ZNF469: variants seen among roughly 807,000 people sequenced by gnomAD.
ZNF469 encodes zinc finger protein 469.
In ZNF469, 1 loss-of-function variant was observed where a neutral mutation model predicts 1.0. The observed-to-expected ratio is 1.00, with a 90% CI of 0.35 to 4.73. The LOEUF (loss-of-function observed/expected upper bound fraction) is 4.73, where lower values mean the gene tolerates loss of function less well. ZNF469 is among the 30% of genes most tolerant of loss of function. The pLI, the probability that ZNF469 is intolerant of heterozygous loss-of-function variation, is 0.16. For missense variants in ZNF469, 6,100 were observed against 5,356.3 expected (o/e 1.14, Z -4.33); for synonymous variants, 2,703 against 2,363.4 (o/e 1.14, Z -4.17).
At chr16:88,277,372 T>G in the ZNF469 span, among the ~76,000 whole-genome samples, 1 of 150,350 alleles carries the variant, frequency 6.7e-6, no homozygotes, top group Admixed American at 6.6e-5. Context: ...TAGATATCAT[T>G]AGTGCTGTGC....
At chr16:88,208,906 G>T in the ZNF469 span, among the ~76,000 whole-genome samples, 5 of 150,888 alleles carry the variant, frequency 3.3e-5, no homozygotes, top group East Asian at 7.9e-4. Flanking sequence ...TCCTTCCCCA[G>T]CAGGGCCAGG....
the ZNF469 span, among the ~76,000 whole-genome samples, chr16:88,377,817 C>T: frequency 6.6e-6 from 1 of 152,194 alleles, no homozygotes; most frequent in Admixed American, 6.5e-5. Flanking sequence ...AGGTGCTGTG[C>T]TCTGTAGATG....
chr16:88,289,069 G>T, the ZNF469 span, among the ~76,000 whole-genome samples: 1 of 151,578 alleles, frequency 6.6e-6, no homozygotes, highest in South Asian at 2.1e-4. Context: ...GGTGATGAGG[G>T]TGATGATGAT....
At chr16:88,117,646 C>T in the ZNF469 span, among the ~76,000 whole-genome samples, 1 of 132,610 alleles carries the variant, frequency 7.5e-6, no homozygotes, top group African/African-American at 2.9e-5. Flanking sequence ...TGGGAAAGTG[C>T]CACGTGTCTT....
At chr16:88,416,839 G>A (rs138044164) in intron 1 of ZNF469, among the ~76,000 whole-genome samples, 7 of 152,280 alleles carry the variant, frequency 4.6e-5, no homozygotes, top group Admixed American at 1.3e-4. Context: ...TGGCACGCTC[G>A]CTCCCCGGGA....
chr16:88,280,174 A>T, the ZNF469 span, among the ~76,000 whole-genome samples: 2 of 146,666 alleles, frequency 1.4e-5, no homozygotes, highest in Non-Finnish European at 3.0e-5. Context: ...TTAGTGCTGC[A>T]CCACGCTGAC....
At chr16:88,288,066 T>C in the ZNF469 span, among the ~76,000 whole-genome samples, 1 of 152,290 alleles carries the variant, frequency 6.6e-6, no homozygotes, top group African/African-American at 2.4e-5. Flanking sequence ...CATTTCATCT[T>C]TGTGGAGAAA....
the ZNF469 span, among the ~76,000 whole-genome samples, chr16:88,282,472 C>A: frequency 6.6e-6 from 1 of 152,082 alleles, no homozygotes; most frequent in Non-Finnish European, 1.5e-5. Flanking sequence ...TGCCCTGGGC[C>A]CTGGCCTTTT....
At chr16:88,165,818 C>T in the ZNF469 span, among the ~76,000 whole-genome samples, 8 of 152,300 alleles carry the variant, frequency 5.3e-5, no homozygotes, top group East Asian at 7.7e-4. Context: ...GCCTCCTTTC[C>T]GTCTCTGAGT....
chr16:88,289,271 T>C, the ZNF469 span, among the ~76,000 whole-genome samples: 1 of 51,266 alleles, frequency 2.0e-5, no homozygotes, highest in Non-Finnish European at 3.4e-5. Context: ...ATGGTGATGA[T>C]GGTGAGGGTG....
intron 1 of ZNF469, among the ~76,000 whole-genome samples, chr16:88,422,354 T>TG (rs1183868420): frequency 4.6e-5 from 5 of 109,066 alleles, no homozygotes; most frequent in Admixed American, 3.3e-4. Context: ...GGCAGGTGGA[T>TG]GGGGGGATGA....
chr16:88,263,270 G>A, the ZNF469 span, among the ~76,000 whole-genome samples: 3 of 152,206 alleles, frequency 2.0e-5, no homozygotes, highest in Non-Finnish European at 2.9e-5. Flanking sequence ...GGTAGAAAAC[G>A]AACTAGGGGA....
the ZNF469 span, among the ~76,000 whole-genome samples, chr16:88,116,919 C>G: frequency 6.6e-6 from 1 of 151,678 alleles, no homozygotes; most frequent in Non-Finnish European, 1.5e-5. Flanking sequence ...CGAATCTACA[C>G]GTGTGATAAA....
At position 88,437,406 on chromosome 16, in the gene ZNF469, C is replaced by T. The variant is rs1353403837; in HGVS notation, c.9936C>T (p.Ser3312=). ...CCCCCAGGACGACCCCCAGCCCGTC[C>T]CCCGACCCCTGGGCCGGCGGGGAGC... ...PGPPRTTPSP[S]PDPWAGGEPL... is the part of the protein sequence containing the mutation. The change falls in exon 3 of 3, where the codon TCC becomes TCT. Residue 3312 remains serine, a synonymous_variant. Transcript: ENST00000565624. The T allele has an allele frequency of 6.5e-7, 1 of 1,527,214 alleles. No homozygotes were observed. The highest frequency in any genetic ancestry group is 2.5e-5 in the East Asian group (1 of 39,798). The allele number at this position is 1,527,214 out of a possible 1,614,324, so 94.6% of individuals were successfully genotyped here.
At chr16:88,228,030 T>C in the ZNF469 span, among the ~76,000 whole-genome samples, 1 of 152,274 alleles carries the variant, frequency 6.6e-6, no homozygotes, top group South Asian at 2.1e-4. Flanking sequence ...TGTCTTCATG[T>C]GGCTCCTCCT....
At chr16:88,411,807 GCCCC>G (rs1737710617) in intron 1 of ZNF469, among the ~76,000 whole-genome samples, 4 of 152,080 alleles carry the variant, frequency 2.6e-5, no homozygotes, top group Admixed American at 2.6e-4. Context: ...AGTGTGTGAG[GCCCC>G]CACCTGGTTT....
chr16:88,354,355 C>A, the ZNF469 span, among the ~76,000 whole-genome samples: 1 of 152,174 alleles, frequency 6.6e-6, no homozygotes, highest in Non-Finnish European at 1.5e-5. Context: ...GCCAGGTCCT[C>A]GGCTCCCTGG....
chr16:88,197,215 G>A, the ZNF469 span, among the ~76,000 whole-genome samples: 60 of 152,162 alleles, frequency 3.9e-4, no homozygotes, highest in Non-Finnish European at 7.2e-4. Flanking sequence ...TTTGGCCTCC[G>A]AGTGGAGCAA....
the ZNF469 span, among the ~76,000 whole-genome samples, chr16:88,241,649 A>G: frequency 6.6e-6 from 1 of 152,152 alleles, no homozygotes; most frequent in South Asian, 2.1e-4. The surrounding 1 kb of genome is among the most constrained non-coding windows in gnomAD (Gnocchi z 4.8). Flanking sequence ...GTCCCCACCC[A>G]TCCCGATCAC....
Sources: allele counts gnomAD v4.1 joint callset (sites outside exome capture counted in the v4.1 genomes callset), GRCh38; gene constraint gnomAD v4.1.1; non-coding constraint Gnocchi (gnomAD v3.1); transcripts MANE v1.5; gene names NCBI Gene and HGNC (gene_info 2026-07-23, HGNC 2026-07-21).